Variants in KCND2 observed in about 807,000 individuals in gnomAD.
KCND2 encodes potassium voltage-gated channel subfamily D member 2.
Under a neutral mutation model 54.4 loss-of-function variants are expected in KCND2, and 16 were observed. The ratio of observed to expected loss-of-function variants is 0.29; its 90% CI spans 0.20 to 0.45. The LOEUF (loss-of-function observed/expected upper bound fraction) is 0.45, where lower values mean the gene tolerates loss of function less well. Ranked by LOEUF, KCND2 falls within the 20% of genes least tolerant of loss-of-function variation. The pLI is 1.00. For synonymous variants in KCND2, 317 were observed against 310.7 expected (o/e 1.02, Z -0.21); for missense variants, 486 against 824.2 (o/e 0.59, Z 5.02).
At chr7:120,693,884 A>G (rs1792302146) in intron 1 of KCND2, among the ~76,000 whole-genome samples, 1 of 152,174 alleles carries the variant, frequency 6.6e-6, no homozygotes, top group African/African-American at 2.4e-5. Flanking sequence ...GATGAAAAAT[A>G]TAACCATCTG....
intron 1 of KCND2, among the ~76,000 whole-genome samples, chr7:120,365,150 G>T (rs1270437813): frequency 6.9e-6 from 1 of 145,616 alleles, no homozygotes; most frequent in Non-Finnish European, 1.5e-5. Context: ...ATTAAGGAAG[G>T]GAAAATGGAG....
At chr7:120,558,205 G>C (rs1792187990) in intron 1 of KCND2, among the ~76,000 whole-genome samples, 1 of 152,074 alleles carries the variant, frequency 6.6e-6, no homozygotes, top group Non-Finnish European at 1.5e-5. Flanking sequence ...AACCAATTAT[G>C]ATCTGATTCT....
At chr7:120,513,486 G>A (rs1288539684) in intron 1 of KCND2, among the ~76,000 whole-genome samples, 1 of 152,062 alleles carries the variant, frequency 6.6e-6, no homozygotes, top group African/African-American at 2.4e-5. Flanking sequence ...TACACATTTA[G>A]ATACTCTATT....
At position 120,289,158 on chromosome 7, in the gene KCND2, A is replaced by G. The variant is rs149264308; in HGVS notation, c.1115+13411A>G. ...GGTAAAGAGATGATTTGATTCTTAC[A>G]ATGGGACAAAGAATAGAGTATACAC... On this transcript the variant is annotated intron_variant, in intron 1 of 5. Coordinates refer to ENST00000331113, the MANE Select transcript of KCND2 (RefSeq NM_012281.3). Among the ~76,000 whole-genome samples, 311 of 152,056 alleles carry G rather than the reference A, an allele frequency of 2.0e-3. 1 individual carries two copies. Among genetic ancestry groups the G allele is most frequent in the African/African-American group, 6.7e-3 (278 of 41,506 alleles).
chr7:120,514,364 G>A (rs1161490331), intron 1 of KCND2, among the ~76,000 whole-genome samples: 1 of 152,064 alleles, frequency 6.6e-6, no homozygotes, highest in Non-Finnish European at 1.5e-5. Context: ...TTGTGAGGCA[G>A]AAGTCATCGT....
intron 1 of KCND2, among the ~76,000 whole-genome samples, chr7:120,710,400 A>G (rs1318933622): frequency 6.6e-6 from 1 of 152,168 alleles, no homozygotes; most frequent in Non-Finnish European, 1.5e-5. Context: ...CCACTTCATT[A>G]TTGAAATTGA....
chr7:120,691,281 C>T (rs1792265308), intron 1 of KCND2, among the ~76,000 whole-genome samples: 1 of 152,130 alleles, frequency 6.6e-6, no homozygotes, highest in Non-Finnish European at 1.5e-5. Flanking sequence ...GGCTACTAGG[C>T]TAAACTAGAC....
At position 120,596,021 on chromosome 7, in the gene KCND2, T is replaced by A. The variant is rs565849766; in HGVS notation, c.1116-136882T>A. 6.6e-5 allele frequency among the ~76,000 whole-genome samples: 10 copies of A among 152,232 alleles called. No homozygotes were observed. In the East Asian group the frequency reaches 1.7e-3, roughly 26 times the overall value. On this transcript the variant is annotated intron_variant, in intron 1 of 5. Transcript: ENST00000331113. ...GTTGACCTTTTATTTGCCGTTTTGT[T>A]AGTGTTAATGAAACCAGACCCCAAT...
intron 1 of KCND2, among the ~76,000 whole-genome samples, chr7:120,443,749 T>G (rs1801978765): frequency 6.6e-6 from 1 of 152,092 alleles, no homozygotes; most frequent in Admixed American, 6.6e-5. Context: ...CTTTCTTTAG[T>G]AAGCCATTCT....
intron 1 of KCND2, among the ~76,000 whole-genome samples, chr7:120,560,172 A>T (rs1290148631): frequency 1.3e-5 from 2 of 152,240 alleles, no homozygotes; most frequent in Non-Finnish European, 2.9e-5. Flanking sequence ...AAGTAATTCA[A>T]CATTGATATA....
chr7:120,542,688 A>T (rs959048479), intron 1 of KCND2, among the ~76,000 whole-genome samples: 15 of 152,228 alleles, frequency 9.9e-5, no homozygotes, highest in Admixed American at 9.2e-4. Flanking sequence ...TTTCTAAATA[A>T]TTGAGGAGAC....
intron 1 of KCND2, among the ~76,000 whole-genome samples, chr7:120,340,493 A>G (rs1800225015): frequency 6.6e-6 from 1 of 152,186 alleles, no homozygotes; most frequent in South Asian, 2.1e-4. Flanking sequence ...TGGGCATGCT[A>G]GTTTTGAAAT....
intron 1 of KCND2, among the ~76,000 whole-genome samples, chr7:120,324,561 T>C (rs1160495305): frequency 2.0e-5 from 3 of 150,124 alleles, no homozygotes; most frequent in Non-Finnish European, 4.5e-5. Context: ...TAGGGAATCC[T>C]TTCCCCATTG....
chr7:120,495,119 T>C (rs997309302), intron 1 of KCND2, among the ~76,000 whole-genome samples: 2 of 152,184 alleles, frequency 1.3e-5, no homozygotes, highest in Admixed American at 1.3e-4. Context: ...TTAAAAGATG[T>C]AAGGTTTTTT....
chr7:120,570,433 G>A (rs550181757), intron 1 of KCND2, among the ~76,000 whole-genome samples: 4 of 150,570 alleles, frequency 2.7e-5, no homozygotes, highest in Non-Finnish European at 5.9e-5. Flanking sequence ...AAAAAAAACA[G>A]CTTGTGATCC....
intron 1 of KCND2, among the ~76,000 whole-genome samples, chr7:120,397,652 A>C (rs565334921): frequency 3.3e-5 from 5 of 151,992 alleles, no homozygotes; most frequent in African/African-American, 1.2e-4. Context: ...GTAAAAAGCG[A>C]CAGGAAGTGT....
intron 1 of KCND2, among the ~76,000 whole-genome samples, chr7:120,717,948 T>C (rs569916253): frequency 2.0e-5 from 3 of 152,034 alleles, no homozygotes; most frequent in Non-Finnish European, 4.4e-5. Context: ...CTTAGCACAG[T>C]GTTTGGAGCA....
At chr7:120,291,455 T>C (rs924021379) in intron 1 of KCND2, among the ~76,000 whole-genome samples, 1 of 151,894 alleles carries the variant, frequency 6.6e-6, no homozygotes, top group African/African-American at 2.4e-5. Context: ...TTGAATAGAA[T>C]TTAACAACTT....
chr7:120,398,162 T>C (rs184184646), intron 1 of KCND2, among the ~76,000 whole-genome samples: 57 of 147,388 alleles, frequency 3.9e-4, no homozygotes, highest in East Asian at 7.9e-4. Context: ...TATACATATA[T>C]ACACACACAC....
Sources: gnomAD v4.1 joint callset for allele counts (sites outside exome capture counted in the v4.1 genomes callset) on GRCh38, gnomAD v4.1.1 for gene constraint, MANE v1.5 for transcripts, NCBI Gene and HGNC (gene_info 2026-07-23, HGNC 2026-07-21) for gene names.